The following GPC5 variants were observed in gnomAD, a reference collection of about 807,000 sequenced individuals.
GPC5 encodes glypican-5.
Under a neutral mutation model 53.9 loss-of-function variants are expected in GPC5, and 47 were observed. The ratio of observed to expected loss-of-function variants is 0.87; its 90% confidence interval spans 0.69 to 1.11. The LOEUF (loss-of-function observed/expected upper bound fraction) is 1.11. Among genes scored for constraint, GPC5 ranks in the 50% most tolerant of loss-of-function variants. The probability of loss-of-function intolerance (pLI) is 0.00; values close to 1 mark genes in which losing one functional copy is unlikely to be tolerated. For synonymous variants in GPC5, 286 were observed against 263.3 expected, an observed-to-expected ratio of 1.09 and a Z score of -0.84; for missense variants, 748 against 713.1, an observed-to-expected ratio of 1.05 and a Z score of -0.56.
chr13:92,698,194 T>C (rs1887615378), intron 7 of GPC5, among the ~76,000 whole-genome samples: 1 of 151,982 alleles, frequency 6.6e-6, no homozygotes, highest in South Asian at 2.1e-4. Flanking sequence ...ACTTTAAGAT[T>C]TAGGGTACAT....
chr13:91,654,429 G>T (rs1017332544), intron 2 of GPC5, among the ~76,000 whole-genome samples: 1 of 152,040 alleles, frequency 6.6e-6, no homozygotes, highest in Non-Finnish European at 1.5e-5. Context: ...GAATAATGAT[G>T]AAATTATTTT....
chr13:92,835,684 C>T (rs1488567016), intron 7 of GPC5, among the ~76,000 whole-genome samples: 2 of 151,848 alleles, frequency 1.3e-5, no homozygotes, highest in South Asian at 2.1e-4. Flanking sequence ...TTTCATAGTA[C>T]TTCTATTTCT....
chr13:91,641,201 G>C (rs1209323883), intron 2 of GPC5, among the ~76,000 whole-genome samples: 3 of 151,640 alleles, frequency 2.0e-5, no homozygotes, highest in African/African-American at 7.3e-5. Flanking sequence ...GGTGGCGGGC[G>C]CCTGTAGTCC....
At chr13:92,811,643 T>C (rs1458537031) in intron 7 of GPC5, among the ~76,000 whole-genome samples, 1 of 152,006 alleles carries the variant, frequency 6.6e-6, no homozygotes, top group Non-Finnish European at 1.5e-5. Context: ...TACTTTTTCT[T>C]TTCTGTGCCT....
intron 7 of GPC5, among the ~76,000 whole-genome samples, chr13:92,373,901 GATAA>G (rs2043671575): frequency 6.6e-6 from 1 of 152,124 alleles, no homozygotes; most frequent in Admixed American, 6.6e-5. Context: ...TCATAAAACT[GATAA>G]ATAATTCATA....
intron 2 of GPC5, among the ~76,000 whole-genome samples, chr13:91,679,723 T>C (rs748721182): frequency 9.9e-5 from 15 of 152,216 alleles, no homozygotes; most frequent in Non-Finnish European, 2.1e-4. Context: ...TAAAAGCCAT[T>C]GCATTTAAGA....
At chr13:91,434,576 C>G (rs552336640) in intron 1 of GPC5, among the ~76,000 whole-genome samples, 16 of 152,218 alleles carry the variant, frequency 1.1e-4, no homozygotes, top group African/African-American at 3.9e-4. Context: ...TGTTTTGGTA[C>G]CAGTACCATG....
chr13:92,034,303 C>T (rs934858901), intron 6 of GPC5, among the ~76,000 whole-genome samples: 1 of 152,038 alleles, frequency 6.6e-6, no homozygotes, highest in African/African-American at 2.4e-5. Flanking sequence ...CAAGACCAGC[C>T]TGGTCAACAT....
Position 91,755,463 on chromosome 13 carries a change from C to A in GPC5, c.1155-832C>A, listed in dbSNP as rs566398345. ...CTTTTTCCAAAACAATTGTTTATGTCAAAAAAAATCATAATGAAGGCCTTT... is the reference window on the plus strand; with the variant it reads ...CTTTTTCCAAAACAATTGTTTATGTAAAAAAAAATCATAATGAAGGCCTTT... On this transcript the variant is annotated intron_variant, in intron 4 of 7. Transcript: ENST00000377067. 2.0e-4 allele frequency among the ~76,000 whole-genome samples: 30 copies of A among 151,660 alleles called. 1 individual carries two copies. In the South Asian group the frequency reaches 4.6e-3, roughly 23 times the overall value.
In GPC5 at chr13:91,789,591, TA is replaced by T. The variant is rs1274720902; in HGVS notation, c.1280+33174del. On this transcript the variant is annotated intron_variant, in intron 5 of 7. Coordinates refer to ENST00000377067, the MANE Select transcript of GPC5 (RefSeq NM_004466.6). ...AAACTTGGCTTTATTCCCTAAGAAA[TA>T]AAGAAAACACTAGCAAAACATTGAG... Among the ~76,000 whole-genome samples, 12 of 152,238 alleles carry T rather than the reference TA, an allele frequency of 7.9e-5. 1 individual carries two copies. Among genetic ancestry groups the T allele is most frequent in the African/African-American group, 2.6e-4 (11 of 41,550 alleles).
rs12100109 is a variant in GPC5 at position 92,073,930 on chromosome 13, G to A, written c.1402-70900G>A. Among the ~76,000 whole-genome samples the A allele has an allele frequency of 1.5e-3, 226 of 152,198 alleles. 1 individual carries two copies. The highest frequency in any genetic ancestry group is 5.2e-3 in the African/African-American group (218 of 41,538). The stretch of plus-strand genomic sequence containing the variant: ...ATAGTGAGTTCTCATGAGAGCTGAT[G>A]GTTTTATATGGGTCTTTTCCCTCTT... On this transcript the variant is annotated intron_variant, in intron 6 of 7. Transcript: ENST00000377067.
chr13:92,724,875 T>TACACACACACACACACACACAC (rs58824655), intron 7 of GPC5, among the ~76,000 whole-genome samples: 6 of 137,664 alleles, frequency 4.4e-5, no homozygotes, highest in Admixed American at 2.2e-4. Context: ...GTCCTACACA[T>TACACACACACACACACACACAC]ACACACACAC....
At chr13:92,006,323 T>C (rs1418656897) in intron 6 of GPC5, among the ~76,000 whole-genome samples, 3 of 152,190 alleles carry the variant, frequency 2.0e-5, no homozygotes, top group Non-Finnish European at 4.4e-5. Context: ...TGACAGTGCT[T>C]CCTAAAACCA....
chr13:92,592,982 G>A (rs1230932169), intron 7 of GPC5, among the ~76,000 whole-genome samples: 2 of 151,166 alleles, frequency 1.3e-5, no homozygotes, highest in African/African-American at 4.9e-5. Context: ...GCGATGTGCA[G>A]TTAAGACATC....
chr13:91,636,968 G>A (rs1158776645), intron 2 of GPC5, among the ~76,000 whole-genome samples: 2 of 151,744 alleles, frequency 1.3e-5, no homozygotes, highest in East Asian at 3.9e-4. Context: ...ACAAACAAAC[G>A]AACAAAACAA....
At chr13:92,228,224 A>C (rs9556163) in intron 7 of GPC5, among the ~76,000 whole-genome samples, 1 of 151,492 alleles carries the variant, frequency 6.6e-6, no homozygotes, top group African/African-American at 2.4e-5. Context: ...CTCGGTATCA[A>C]TGAACCCGTG....
At chr13:92,368,569 G>C (rs1278986952) in intron 7 of GPC5, among the ~76,000 whole-genome samples, 1 of 148,040 alleles carries the variant, frequency 6.8e-6, no homozygotes, top group Non-Finnish European at 1.5e-5. Context: ...GCTTGAACCT[G>C]GGATTTGCAG....
chr13:91,609,920 A>G (rs1403575651), intron 2 of GPC5, among the ~76,000 whole-genome samples: 1 of 152,142 alleles, frequency 6.6e-6, no homozygotes, highest in African/African-American at 2.4e-5. Flanking sequence ...GAAGACATGG[A>G]TTGGCCAGGG....
At position 92,390,971 on chromosome 13, in the gene GPC5, T is replaced by C. The variant is rs74486065; in HGVS notation, c.1561+245982T>C. ...AATTAGAATAGGATTTAAATTATTA[T>C]ATGGTTTCACTTCAAAATGTAGAGA... On this transcript the variant is annotated intron_variant, in intron 7 of 7. Transcript: ENST00000377067. 5.8e-3 allele frequency among the ~76,000 whole-genome samples: 880 copies of C among 152,240 alleles called. 8 individuals are homozygous for C. Among genetic ancestry groups the C allele is most frequent in the African/African-American group, 0.02 (825 of 41,562 alleles).
Sources: gnomAD v4.1 joint callset for allele counts (sites outside exome capture counted in the v4.1 genomes callset) on GRCh38, gnomAD v4.1.1 for gene constraint, MANE v1.5 for transcripts, NCBI Gene and HGNC (gene_info 2026-07-23, HGNC 2026-07-21) for gene names.